PLPPR1: variants seen among roughly 807,000 people sequenced by gnomAD.
PLPPR1 encodes the protein phospholipid phosphatase-related protein type 1.
Under a neutral mutation model 33.1 loss-of-function variants are expected in PLPPR1, and 10 were observed. The observed-to-expected ratio is 0.30, with a 90% CI of 0.19 to 0.51. PLPPR1 has a LOEUF of 0.51. Ranked by LOEUF, PLPPR1 falls within the 20% of genes least tolerant of loss-of-function variation. The pLI, the probability that PLPPR1 is intolerant of heterozygous loss-of-function variation, is 0.97. For synonymous variants in PLPPR1, 151 were observed against 151.0 expected, an observed-to-expected ratio of 1.00 and a Z score of 0.00; for missense variants, 304 against 408.1, an observed-to-expected ratio of 0.74 and a Z score of 2.20.
intron 1 of PLPPR1, among the ~76,000 whole-genome samples, chr9:101,121,507 C>T (rs1831178157): frequency 6.6e-6 from 1 of 152,154 alleles, no homozygotes; most frequent in African/African-American, 2.4e-5. Context: ...GCTCTGTTCT[C>T]CTGAGTATTA....
intron 1 of PLPPR1, among the ~76,000 whole-genome samples, chr9:101,072,815 C>T (rs1401145657): frequency 1.3e-5 from 2 of 152,092 alleles, no homozygotes; most frequent in Non-Finnish European, 2.9e-5. Flanking sequence ...AATATTGTAG[C>T]AACTCAGGAG....
At chr9:101,044,483 C>T (rs79672322) in intron 1 of PLPPR1, among the ~76,000 whole-genome samples, 2,147 of 152,274 alleles carry the variant, frequency 0.014, 28 homozygotes, top group African/African-American at 0.033. Context: ...TTCTTAACCC[C>T]TCTGAGATTT....
intron 1 of PLPPR1, among the ~76,000 whole-genome samples, chr9:101,056,818 C>G (rs1330357169): frequency 1.3e-5 from 2 of 152,108 alleles, no homozygotes; most frequent in East Asian, 3.9e-4. Context: ...GTGATCATGT[C>G]AGTGGACCAG....
intron 1 of PLPPR1, among the ~76,000 whole-genome samples, chr9:101,054,220 A>G (rs536564182): frequency 6.6e-6 from 1 of 152,202 alleles, no homozygotes; most frequent in South Asian, 2.1e-4. Flanking sequence ...ACACAAAAAA[A>G]TCCTTTTTAT....
At chr9:101,086,369 C>A (rs1430327967) in intron 1 of PLPPR1, among the ~76,000 whole-genome samples, 2 of 152,114 alleles carry the variant, frequency 1.3e-5, no homozygotes, top group African/African-American at 4.8e-5. Flanking sequence ...TGTCAGGGAG[C>A]TCTGGGATAG....
At chr9:101,069,897 A>G (rs531946748) in intron 1 of PLPPR1, among the ~76,000 whole-genome samples, 3 of 152,134 alleles carry the variant, frequency 2.0e-5, no homozygotes, top group Non-Finnish European at 4.4e-5. Context: ...GAAAGTGGGA[A>G]GGGAAGAACA....
At chr9:101,126,578 T>C (rs1470816518) in intron 1 of PLPPR1, among the ~76,000 whole-genome samples, 1 of 152,200 alleles carries the variant, frequency 6.6e-6, no homozygotes, top group Admixed American at 6.5e-5. Context: ...CAGATTCCAC[T>C]GGGTCTTAGC....
Position 101,145,773 on chromosome 9 carries a change from G to A in PLPPR1, c.-45-39677G>A, listed in dbSNP as rs181353687. 1.6e-3 allele frequency among the ~76,000 whole-genome samples: 238 copies of A among 151,466 alleles called. No individual in the cohort carries two copies. In the Middle Eastern group the frequency reaches 0.044, roughly 28 times the overall value. On this transcript the variant is annotated intron_variant, in intron 1 of 7. Transcript: ENST00000374874. Reference sequence around the variant, plus strand: ...GGTGGCTCATGCCTACCATCCCAGCGCTTTGGGAGGTCAAGACAGAAGGAT... The same window carrying A: ...GGTGGCTCATGCCTACCATCCCAGCACTTTGGGAGGTCAAGACAGAAGGAT...
At chr9:101,203,610 G>A (rs1273311316) in intron 2 of PLPPR1, among the ~76,000 whole-genome samples, 3 of 145,444 alleles carry the variant, frequency 2.1e-5, no homozygotes, top group Non-Finnish European at 3.1e-5. Flanking sequence ...GGATCTAGTA[G>A]AAATTGGGAG....
At chr9:101,299,438 G>T (rs917692519) in intron 4 of PLPPR1, among the ~76,000 whole-genome samples, 2 of 152,176 alleles carry the variant, frequency 1.3e-5, no homozygotes, top group Admixed American at 6.5e-5. Flanking sequence ...TGGGTCTCAA[G>T]AAATTGTGAT....
rs746304517 is a variant in PLPPR1 at position 101,270,397 on chromosome 9, T to C, written c.252+329T>C. Among the ~76,000 whole-genome samples, 26 of 152,186 alleles carry C rather than the reference T, an allele frequency of 1.7e-4. 1 individual carries two copies. Among genetic ancestry groups the C allele is most frequent in the Non-Finnish European group, 3.4e-4 (23 of 68,018 alleles). ...TCCTCTTGAAAAAATATGCTATGAG[T>C]TGCAAGTATTCACAAGAGATTCTGA... On this transcript the variant is annotated intron_variant, in intron 3 of 7. Transcript: ENST00000374874.
chr9:101,149,442 G>A (rs150999937), intron 1 of PLPPR1, among the ~76,000 whole-genome samples: 64 of 152,206 alleles, frequency 4.2e-4, no homozygotes, highest in Admixed American at 7.9e-4. Flanking sequence ...GGTTATCGGG[G>A]GTACCCATGT....
intron 4 of PLPPR1, among the ~76,000 whole-genome samples, chr9:101,286,491 T>C (rs1437335528): frequency 2.0e-5 from 3 of 152,120 alleles, no homozygotes; most frequent in Non-Finnish European, 2.9e-5. Context: ...GTTTTAATAT[T>C]GGCTGGATAT....
chr9:101,203,907 A>G lies in PLPPR1; in HGVS notation c.63+18350A>G, dbSNP rs369620234. 3.0e-4 allele frequency among the ~76,000 whole-genome samples: 45 copies of G among 152,230 alleles called. 1 individual carries two copies. Among genetic ancestry groups the G allele is most frequent in the African/African-American group, 1.1e-3 (44 of 41,544 alleles). The stretch of plus-strand genomic sequence containing the variant: ...AATGAGAATGTGTTTTCCATGTAGG[A>G]TCAGAATAGGGAAAGGAATTTGAGA... On this transcript the variant is annotated intron_variant, in intron 2 of 7. Transcript: ENST00000374874.
chr9:101,322,115 T>A (rs1829163112), intron 7 of PLPPR1, among the ~76,000 whole-genome samples: 1 of 143,304 alleles, frequency 7.0e-6, no homozygotes, highest in South Asian at 2.2e-4. Context: ...ACACAATCGC[T>A]TGAACCCAAG....
At chr9:101,106,059 G>C (rs1830964324) in intron 1 of PLPPR1, among the ~76,000 whole-genome samples, 1 of 151,194 alleles carries the variant, frequency 6.6e-6, no homozygotes, top group African/African-American at 2.5e-5. Flanking sequence ...ATGTGAGATG[G>C]GTTTCCTGAA....
At chr9:101,032,827 G>A (rs1829961960) in intron 1 of PLPPR1, among the ~76,000 whole-genome samples, 2 of 152,054 alleles carry the variant, frequency 1.3e-5, no homozygotes, top group Non-Finnish European at 2.9e-5. Flanking sequence ...GTACCCTGAA[G>A]TGCCACTAAG....
chr9:101,228,527 A>G (rs573681461), intron 2 of PLPPR1, among the ~76,000 whole-genome samples: 4 of 152,180 alleles, frequency 2.6e-5, no homozygotes, highest in Non-Finnish European at 5.9e-5. Flanking sequence ...TCAAAGAATA[A>G]GTATATAAAA....
intron 4 of PLPPR1, among the ~76,000 whole-genome samples, chr9:101,303,135 C>T (rs1362065522): frequency 6.6e-6 from 1 of 151,300 alleles, no homozygotes; most frequent in Non-Finnish European, 1.5e-5. Flanking sequence ...TACAGGCACC[C>T]AGCACCACCG....
Sources: allele counts gnomAD v4.1 joint callset (sites outside exome capture counted in the v4.1 genomes callset), GRCh38; gene constraint gnomAD v4.1.1; transcripts MANE v1.5; gene names NCBI Gene and HGNC (gene_info 2026-07-23, HGNC 2026-07-21).